Variants in UBAP2 observed in about 807,000 individuals in gnomAD.
The protein encoded by UBAP2 is ubiquitin-associated protein 2.
In UBAP2, 75 loss-of-function variants were observed where a neutral mutation model predicts 139.6. The observed-to-expected ratio is 0.54, with a 90% confidence interval of 0.45 to 0.65. UBAP2 has a LOEUF of 0.65. Among genes scored for constraint, UBAP2 ranks in the 30% least tolerant of loss-of-function variants. UBAP2 has a pLI of 0.00. For synonymous variants in UBAP2, 526 were observed against 526.2 expected (o/e 1.00, Z 0.01); for missense variants, 1,368 against 1,369.6 (o/e 1.00, Z 0.02).
chr9:34,048,901 C>G (rs976454353), upstream of UBAP2: 5 of 152,130 alleles, frequency 3.3e-5, no homozygotes, highest in African/African-American at 9.7e-5. Flanking sequence ...TCTTACAAAG[C>G]GGCGGCGGCG....
chr9:33,976,415 G>C (rs1415710098), intron 6 of UBAP2, among the ~76,000 whole-genome samples: 1 of 152,200 alleles, frequency 6.6e-6, no homozygotes, highest in Non-Finnish European at 1.5e-5. Context: ...CATTATCTAA[G>C]AGAAAGAAGC....
At chr9:33,932,506 T>A (rs981195628) in intron 19 of UBAP2, 56 bp downstream of exon 19, 2 of 1,603,974 alleles carry the variant, frequency 1.2e-6, no homozygotes, top group Non-Finnish European at 1.7e-6. Context: ...TGCATGTGAC[T>A]AAGCTCCAGG....
intron 1 of UBAP2, among the ~76,000 whole-genome samples, chr9:34,038,869 G>A (rs1047757914): frequency 5.3e-5 from 8 of 150,278 alleles, no homozygotes; most frequent in Non-Finnish European, 1.2e-4. Flanking sequence ...CATCGTCTGA[G>A]ATGTGGGGAG....
At position 33,937,242 on chromosome 9, in the gene UBAP2, C is replaced by T. The variant is rs1161113572; in HGVS notation, c.1930-1364G>A. Among the ~76,000 whole-genome samples, 11 of 151,892 alleles carry T rather than the reference C, an allele frequency of 7.2e-5. No individual in the cohort carries two copies. In the East Asian group the frequency reaches 2.1e-3, roughly 29 times the overall value. On this transcript the variant is annotated intron_variant, in intron 16 of 28. Coordinates refer to ENST00000379238, the MANE Select transcript of UBAP2 (RefSeq NM_001370062.2). ...GCAATATACAGAGGGAAAAGTCTGA[C>T]AAAGGTTCAATTTAACTGCGTCTGG...
chr9:34,033,478 G>A (rs907871829), intron 1 of UBAP2, among the ~76,000 whole-genome samples: 2 of 152,108 alleles, frequency 1.3e-5, no homozygotes, highest in Non-Finnish European at 2.9e-5. Context: ...AGGGTAGTGG[G>A]GGACTTGGGG....
intron 1 of UBAP2, among the ~76,000 whole-genome samples, chr9:34,034,550 A>G (rs1161192880): frequency 6.6e-6 from 1 of 152,198 alleles, no homozygotes; most frequent in Non-Finnish European, 1.5e-5. Context: ...TACACTAATG[A>G]GAAATACCCC....
At chr9:33,966,207 G>T (rs932746752) in intron 8 of UBAP2, among the ~76,000 whole-genome samples, 1 of 151,852 alleles carries the variant, frequency 6.6e-6, no homozygotes, top group African/African-American at 2.4e-5. Flanking sequence ...CACCACTTTG[G>T]GAGGCTGAGG....
chr9:33,931,089 G>A (rs975193334), intron 19 of UBAP2, among the ~76,000 whole-genome samples: 1 of 152,092 alleles, frequency 6.6e-6, no homozygotes, highest in Non-Finnish European at 1.5e-5. Flanking sequence ...ACAAACAGTT[G>A]ACCCCTGAAC....
chr9:33,984,159 C>T (rs1013396413), intron 6 of UBAP2, among the ~76,000 whole-genome samples: 3 of 151,456 alleles, frequency 2.0e-5, no homozygotes, highest in Admixed American at 2.0e-4. Context: ...CCACCTTGGC[C>T]TCCCAAAGTG....
intron 3 of UBAP2, 138 bp from the exon 4 acceptor site, chr9:33,996,471 G>A: frequency 1.7e-6 from 1 of 593,698 alleles, no homozygotes; most frequent in Non-Finnish European, 2.9e-6. Flanking sequence ...TTTACAATGA[G>A]GACATGTTTA....
In UBAP2 at chr9:34,017,124, G is replaced by A. The variant is rs776281259; in HGVS notation, c.25C>T (p.His9Tyr). 6.2e-7 allele frequency: 1 copy of A among 1,609,802 alleles called. No individual in the cohort carries two copies. The highest frequency in any genetic ancestry group is 8.5e-7 in the Non-Finnish European group (1 of 1,178,880). Reference sequence around the variant, plus strand: ...GGTTTTTCCCGAGCACCTCGACAATGGTCACTGCTCACTGAAGTCATCATA... The same window carrying A: ...GGTTTTTCCCGAGCACCTCGACAATAGTCACTGCTCACTGAAGTCATCATA... MMTSVSSD[H>Y]CRGAREKPQI... is the part of the protein sequence containing the mutation. Residue 9 changes from histidine (H) to tyrosine (Y), a missense_variant, in exon 2 of 29, where the codon CAT (histidine) becomes TAT (tyrosine). Physicochemically the swap from His to Tyr is moderately conservative, Grantham distance 83 (BLOSUM62 2). Transcript: ENST00000379238.
At chr9:33,972,469 G>A (rs10971827) in intron 7 of UBAP2, among the ~76,000 whole-genome samples, 12,038 of 152,184 alleles carry the variant, frequency 0.079, 682 homozygotes, top group Non-Finnish European at 0.12. Flanking sequence ...ATTGCATGAG[G>A]CACCACTACT....
chr9:34,010,295 G>A (rs972827045), intron 2 of UBAP2, among the ~76,000 whole-genome samples: 7 of 150,162 alleles, frequency 4.7e-5, no homozygotes, highest in African/African-American at 1.7e-4. Flanking sequence ...ATGATGGCAG[G>A]TGCCTGTAAT....
At chr9:33,939,189 C>CTTTTTTTTTTTT (rs72150705) in intron 16 of UBAP2, among the ~76,000 whole-genome samples, 3 of 78,590 alleles carry the variant, frequency 3.8e-5, no homozygotes, top group African/African-American at 5.0e-5. Flanking sequence ...TTTCCTATGT[C>CTTTTTTTTTTTT]TTTTTTTTTT....
chr9:34,036,616 A>G (rs1826395802), intron 1 of UBAP2, among the ~76,000 whole-genome samples: 1 of 152,176 alleles, frequency 6.6e-6, no homozygotes, highest in Admixed American at 6.5e-5. Context: ...TCAGGAACCT[A>G]CATTATTCAT....
chr9:34,010,577 T>C (rs1823672852), intron 2 of UBAP2, among the ~76,000 whole-genome samples: 1 of 152,000 alleles, frequency 6.6e-6, no homozygotes, highest in South Asian at 2.1e-4. Context: ...GCTAAACAGA[T>C]GTGATAAAAC....
At chr9:34,027,015 G>C (rs969005213) in intron 1 of UBAP2, among the ~76,000 whole-genome samples, 1 of 152,142 alleles carries the variant, frequency 6.6e-6, no homozygotes, top group Non-Finnish European at 1.5e-5. Flanking sequence ...CAGCCTTTCA[G>C]ATACCCATAT....
intron 13 of UBAP2, among the ~76,000 whole-genome samples, chr9:33,945,584 C>T (rs532446379): frequency 6.6e-6 from 1 of 152,204 alleles, no homozygotes; most frequent in Non-Finnish European, 1.5e-5. Flanking sequence ...CCCATACTTG[C>T]TCCACAAAGG....
rs374717091 is a variant in UBAP2, at chr9:33,932,548, G to T, written c.2175+14C>A. On this transcript the variant is annotated intron_variant, in intron 19 of 28. Transcript: ENST00000379238. Reference sequence around the variant, plus strand: ...AAGCATGGCGGAGGAAGAGGAAGCCGCGCAGACACTTACTGTGTGTGACGT... The same window carrying T: ...AAGCATGGCGGAGGAAGAGGAAGCCTCGCAGACACTTACTGTGTGTGACGT... 6.2e-7 allele frequency: 1 copy of T among 1,613,416 alleles called. No individual in the cohort carries two copies. Among genetic ancestry groups the T allele is most frequent in the African/African-American group, 1.3e-5 (1 of 74,908 alleles).
Sources: gnomAD v4.1 joint callset for allele counts (sites outside exome capture counted in the v4.1 genomes callset) on GRCh38, gnomAD v4.1.1 for gene constraint, MANE v1.5 for transcripts, NCBI Gene and HGNC (gene_info 2026-07-23, HGNC 2026-07-21) for gene names.